The following JPH3 variants were observed in gnomAD, a reference collection of about 807,000 sequenced individuals.
JPH3 encodes junctophilin 3, also known as junctophilin-3.
JPH3 carries 11 observed loss-of-function variants against 59.6 expected under a neutral mutation model. That is an observed-to-expected ratio of 0.18 (90% CI 0.12 to 0.31). JPH3 has a LOEUF of 0.31. Ranked by LOEUF, JPH3 falls within the 10% of genes least tolerant of loss-of-function variation. The pLI is 1.00. For missense variants in JPH3, 1,202 were observed against 1,105.7 expected, an observed-to-expected ratio of 1.09 and a Z score of -1.24; for synonymous variants, 673 against 483.6, an observed-to-expected ratio of 1.39 and a Z score of -5.14.
At chr16:87,631,339 T>G (rs2031559811) in intron 1 of JPH3, among the ~76,000 whole-genome samples, 1 of 152,218 alleles carries the variant, frequency 6.6e-6, no homozygotes, top group South Asian at 2.1e-4. Flanking sequence ...GTGGCTTGAT[T>G]ATTTGATAAA....
At chr16:87,626,838 C>T (rs2031396732) in intron 1 of JPH3, among the ~76,000 whole-genome samples, 1 of 152,184 alleles carries the variant, frequency 6.6e-6, no homozygotes, top group African/African-American at 2.4e-5. Flanking sequence ...AGTGTTGGTC[C>T]TAAAAGATCA....
intron 1 of JPH3, chr16:87,604,668 G>A: frequency 4.3e-6 from 5 of 1,158,508 alleles, no homozygotes; most frequent in Non-Finnish European, 5.4e-6. Context: ...CTGCCTCCGA[G>A]TCTCATGAAG....
intron 2 of JPH3, among the ~76,000 whole-genome samples, chr16:87,658,914 C>T (rs549070942): frequency 1.1e-4 from 16 of 152,358 alleles, no homozygotes; most frequent in African/African-American, 2.9e-4. Context: ...CCCAGCAGGG[C>T]AGCTTGACTG....
intron 3 of JPH3, among the ~76,000 whole-genome samples, chr16:87,685,775 T>A (rs1415627193): frequency 6.6e-6 from 1 of 152,236 alleles, no homozygotes; most frequent in Admixed American, 6.5e-5. Context: ...GCGGCCTGTT[T>A]TGTTTCCTCT....
At chr16:87,681,259 C>T (rs58026476) in intron 2 of JPH3, among the ~76,000 whole-genome samples, 2 of 98,992 alleles carry the variant, frequency 2.0e-5, no homozygotes, top group African/African-American at 3.9e-5. Context: ...CAGAAGGTCA[C>T]GTGCGCGCGG....
At chr16:87,674,312 G>A (rs2033091767) in intron 2 of JPH3, among the ~76,000 whole-genome samples, 1 of 151,598 alleles carries the variant, frequency 6.6e-6, no homozygotes, top group Non-Finnish European at 1.5e-5. Flanking sequence ...CAGCCTGGAC[G>A]ACAGAGCGAG....
chr16:87,609,712 C>T (rs1182349242), intron 1 of JPH3, among the ~76,000 whole-genome samples: 2 of 152,130 alleles, frequency 1.3e-5, no homozygotes, highest in African/African-American at 2.4e-5. Context: ...TTTGTCTGTA[C>T]CAGTCAGTGA....
chr16:87,649,557 G>C (rs2032263391), intron 2 of JPH3, among the ~76,000 whole-genome samples: 1 of 152,192 alleles, frequency 6.6e-6, no homozygotes, highest in African/African-American at 2.4e-5. Context: ...ACCCATCCTA[G>C]AGAAGAAAGT....
intron 1 of JPH3, among the ~76,000 whole-genome samples, chr16:87,607,530 C>A (rs929156186): frequency 6.6e-6 from 1 of 152,380 alleles, no homozygotes; most frequent in South Asian, 2.1e-4. Context: ...GCCCTTGCGG[C>A]CTTGCTTGCT....
chr16:87,653,076 G>A (rs868037008), intron 2 of JPH3, among the ~76,000 whole-genome samples: 3 of 152,136 alleles, frequency 2.0e-5, no homozygotes, highest in Admixed American at 1.3e-4. Context: ...CTGCGGGGGG[G>A]ACTAGAATTC....
At chr16:87,625,721 C>T (rs1037004786) in intron 1 of JPH3, among the ~76,000 whole-genome samples, 8 of 152,178 alleles carry the variant, frequency 5.3e-5, no homozygotes, top group African/African-American at 1.9e-4. Context: ...GTGGGTACAG[C>T]ACAGGGTTCA....
At chr16:87,667,485 C>T (rs992674522) in intron 2 of JPH3, among the ~76,000 whole-genome samples, 8 of 152,340 alleles carry the variant, frequency 5.3e-5, no homozygotes, top group Non-Finnish European at 1.0e-4. Context: ...GAAGGAACTC[C>T]TGCCCCACCC....
At chr16:87,670,056 G>A (rs927605701) in intron 2 of JPH3, among the ~76,000 whole-genome samples, 4 of 152,120 alleles carry the variant, frequency 2.6e-5, no homozygotes, top group South Asian at 2.1e-4. Context: ...GGACACAGGC[G>A]TGGGGATTCC....
intron 4 of JPH3, chr16:87,695,203 A>T (rs1014141682): frequency 1.5e-5 from 6 of 407,544 alleles, no homozygotes; most frequent in Non-Finnish European, 3.0e-5. Context: ...TCCTTAATGC[A>T]GGCCTGAGCA....
chr16:87,603,549 C>T (rs2030351845), intron 1 of JPH3, 21 bp downstream of exon 1: 1 of 1,540,762 alleles, frequency 6.5e-7, no homozygotes, highest in Non-Finnish European at 8.7e-7. Flanking sequence ...CGGGCCGGGC[C>T]GGGCCGGGGC....
At position 87,602,977 on chromosome 16, in the gene JPH3, T is replaced by G; in HGVS notation, c.-170T>G. On this transcript the variant is annotated 5_prime_UTR_variant, in exon 1 of 5. Transcript: ENST00000284262. ...ATCGCCCCCGATTGACTGAAATTCC[T>G]CCGGAGCCGGCGCCGCGGCCGCCCG... 1 of 638,084 alleles carries G rather than the reference T, an allele frequency of 1.6e-6. No individual in the cohort carries two copies. Among genetic ancestry groups the G allele is most frequent in the South Asian group, 2.0e-5 (1 of 48,994 alleles). The allele number at this position is 638,084 out of a possible 1,614,324, so 39.5% of individuals were successfully genotyped here.
chr16:87,688,767 A>T (rs2033480659), intron 3 of JPH3, among the ~76,000 whole-genome samples: 2 of 152,148 alleles, frequency 1.3e-5, no homozygotes, highest in South Asian at 4.1e-4. Flanking sequence ...ATGAACGTGT[A>T]ACTGTTCCCC....
chr16:87,647,626 G>C (rs1272763517), intron 2 of JPH3, among the ~76,000 whole-genome samples: 1 of 152,178 alleles, frequency 6.6e-6, no homozygotes, highest in Non-Finnish European at 1.5e-5. Context: ...GCACAACTGG[G>C]GTCTTGGATC....
At chr16:87,608,636 A>G (rs1253510097) in intron 1 of JPH3, among the ~76,000 whole-genome samples, 3 of 152,114 alleles carry the variant, frequency 2.0e-5, no homozygotes, top group African/African-American at 4.8e-5. Flanking sequence ...GGTTGGGTGG[A>G]CGGCTGGACT....
Sources: allele counts gnomAD v4.1 joint callset (sites outside exome capture counted in the v4.1 genomes callset), GRCh38; gene constraint gnomAD v4.1.1; transcripts MANE v1.5; gene names NCBI Gene and HGNC (gene_info 2026-07-23, HGNC 2026-07-21).